The following RNF13 variants were observed in gnomAD, a reference collection of about 807,000 sequenced individuals.
RNF13 encodes E3 ubiquitin-protein ligase RNF13.
RNF13 carries 19 observed loss-of-function variants against 37.7 expected under a neutral mutation model. The ratio of observed to expected loss-of-function variants is 0.50; its 90% CI spans 0.35 to 0.74. The LOEUF (loss-of-function observed/expected upper bound fraction) is 0.74, where lower values mean the gene tolerates loss of function less well. RNF13 is among the 30% of genes least tolerant of loss of function. The probability of loss-of-function intolerance (pLI) is 0.01; values close to 1 mark genes in which losing one functional copy is unlikely to be tolerated. For synonymous variants in RNF13, 144 were observed against 157.8 expected (o/e 0.91, Z 0.65); for missense variants, 375 against 453.0 (o/e 0.83, Z 1.56).
chr3:149,906,645 C>CTTTTTT (rs35801459), intron 6 of RNF13, among the ~76,000 whole-genome samples: 1,313 of 78,450 alleles, frequency 0.017, no homozygotes, highest in East Asian at 0.023. Flanking sequence ...TTCAATTCTG[C>CTTTTTT]TTTTTTTTTT....
In RNF13 at chr3:149,821,350, A is replaced by C. The variant is rs181485299; in HGVS notation, c.-17+7997A>C. Among the ~76,000 whole-genome samples the C allele has an allele frequency of 2.5e-4, 38 of 152,262 alleles. No individual in the cohort carries two copies. In the East Asian group the frequency reaches 7.3e-3, roughly 29 times the overall value. ...TATTTTCTGTTTTTAAGAAATTATA[A>C]TTGCCATCCTTATGGGTATGAAGTG... On this transcript the variant is annotated intron_variant, in intron 1 of 9. Coordinates refer to ENST00000392894, the MANE Select transcript of RNF13 (RefSeq NM_183381.3).
At chr3:149,931,162 C>T (rs1719127179) in intron 8 of RNF13, among the ~76,000 whole-genome samples, 1 of 152,140 alleles carries the variant, frequency 6.6e-6, no homozygotes, top group African/African-American at 2.4e-5. Flanking sequence ...TTCCCAGGCT[C>T]AACCAACCCT....
At chr3:149,895,451 T>A (rs751565006) in intron 4 of RNF13, 22 bp from the exon 5 acceptor site, 1 of 1,370,524 alleles carries the variant, frequency 7.3e-7, no homozygotes, top group Non-Finnish European at 1.0e-6. Context: ...CATAATTTTT[T>A]TTTTTTTTTT....
intron 4 of RNF13, among the ~76,000 whole-genome samples, chr3:149,894,757 T>C (rs932688678): frequency 6.6e-6 from 1 of 152,172 alleles, no homozygotes; most frequent in African/African-American, 2.4e-5. Context: ...ATCTATCTGA[T>C]CCTTCATTTT....
intron 4 of RNF13, among the ~76,000 whole-genome samples, chr3:149,889,292 C>CGTGTGTGTGTGTGTGTGCGTGTGTGTGT: frequency 7.2e-6 from 1 of 138,224 alleles, no homozygotes; most frequent in Non-Finnish European, 1.5e-5. Flanking sequence ...TTTGAGTGTG[C>CGTGTGTGTGTGTGTGTGCGTGTGTGTGT]GTGTGTGTGT....
intron 8 of RNF13, among the ~76,000 whole-genome samples, chr3:149,922,357 G>A (rs1718225445): frequency 6.6e-6 from 1 of 152,152 alleles, no homozygotes. Context: ...TAGACTTTCA[G>A]TTAAGAATGA....
chr3:149,852,589 GT>G lies in RNF13; in HGVS notation c.191del (p.Leu64Ter). ...TTTGGTTATAGACTTCCAGCTGAAGGTTTAAAGGTAAGACAGTTGGTAATAC... is the reference window on the plus strand; with the variant it reads ...TTTGGTTATAGACTTCCAGCTGAAGGTTAAAGGTAAGACAGTTGGTAATAC... Reference protein sequence around the residue: ...ARFGYRLPAEGLKGFLINSKP... With the variant: ...ARFGYRLPAEXLKGFLINSKP... On this transcript the variant is annotated frameshift_variant, in exon 3 of 10. Transcript: ENST00000392894. LOFTEE classifies it high-confidence loss of function. 1 of 1,530,406 alleles carries G rather than the reference GT, an allele frequency of 6.5e-7. No individual in the cohort carries two copies. Among genetic ancestry groups the G allele is most frequent in the Non-Finnish European group, 8.9e-7 (1 of 1,120,606 alleles). The allele number at this position is 1,530,406 out of a possible 1,614,324, so 94.8% of individuals were successfully genotyped here.
chr3:149,929,070 T>C (rs1718927761), intron 8 of RNF13, among the ~76,000 whole-genome samples: 1 of 152,236 alleles, frequency 6.6e-6, no homozygotes, highest in African/African-American at 2.4e-5. Context: ...GTAGCTTTCT[T>C]GTGGATTCTT....
At chr3:149,835,814 C>T (rs1223141151) in intron 1 of RNF13, among the ~76,000 whole-genome samples, 1 of 151,576 alleles carries the variant, frequency 6.6e-6, no homozygotes, top group Non-Finnish European at 1.5e-5. Context: ...GACTTTTCTC[C>T]TGGGTTGGGA....
At chr3:149,938,338 C>T (rs144062988) in intron 8 of RNF13, among the ~76,000 whole-genome samples, 2,086 of 151,742 alleles carry the variant, frequency 0.014, 54 homozygotes, top group African/African-American at 0.046. Flanking sequence ...CCACCATGCC[C>T]GGCTAATTTT....
intron 8 of RNF13, among the ~76,000 whole-genome samples, chr3:149,933,972 C>T (rs149791571): frequency 4.6e-5 from 7 of 152,210 alleles, no homozygotes; most frequent in Non-Finnish European, 2.9e-5. Context: ...TTCTTCCTTT[C>T]CAGTTTGGTA....
chr3:149,864,340 G>A (rs1724580604), intron 3 of RNF13, among the ~76,000 whole-genome samples: 1 of 152,026 alleles, frequency 6.6e-6, no homozygotes, highest in Non-Finnish European at 1.5e-5. Flanking sequence ...ATGAGTGGAA[G>A]CAGGCCATCA....
intron 7 of RNF13, among the ~76,000 whole-genome samples, chr3:149,919,002 A>T (rs933920169): frequency 1.3e-5 from 2 of 151,978 alleles, no homozygotes; most frequent in African/African-American, 4.8e-5. Context: ...ATGTATTTGG[A>T]TTAATTTCTA....
At chr3:149,826,954 T>C (rs1006862940) in intron 1 of RNF13, among the ~76,000 whole-genome samples, 2 of 152,160 alleles carry the variant, frequency 1.3e-5, no homozygotes, top group African/African-American at 2.4e-5. Flanking sequence ...GACAGAGTTT[T>C]GCCATCTTGG....
At position 149,845,833 on chromosome 3, in the gene RNF13, C is replaced by A. The variant is rs1439818354; in HGVS notation, c.-16-178C>A. ...GGTATTGACTAAACATGGGTGTTTA[C>A]CTAAATGTCCAAATCTGTGTAAGTT... On this transcript the variant is annotated intron_variant, in intron 1 of 9. Transcript: ENST00000392894. The A allele has an allele frequency of 2.0e-5, 10 of 496,088 alleles. No homozygotes were observed. In the Admixed American group the frequency reaches 3.3e-4, roughly 16 times the overall value. The allele number at this position is 496,088 out of a possible 1,614,324, so 30.7% of individuals were successfully genotyped here. A position where few individuals can be genotyped will look rare whatever the true frequency, so the allele number is the denominator to read the frequency against.
chr3:149,841,934 C>T (rs977217673), intron 1 of RNF13, among the ~76,000 whole-genome samples: 1 of 152,124 alleles, frequency 6.6e-6, no homozygotes, highest in Non-Finnish European at 1.5e-5. Context: ...TCGGCCTGGG[C>T]AGATTCTTAA....
chr3:149,945,107 A>T (rs964579166), intron 8 of RNF13, among the ~76,000 whole-genome samples: 2 of 152,150 alleles, frequency 1.3e-5, no homozygotes, highest in African/African-American at 4.8e-5. Flanking sequence ...TTTGTCAAAG[A>T]TCAGATGGTT....
At chr3:149,910,688 A>G (rs955756672) in intron 6 of RNF13, among the ~76,000 whole-genome samples, 4 of 152,188 alleles carry the variant, frequency 2.6e-5, no homozygotes, top group African/African-American at 9.7e-5. Flanking sequence ...ACCTGGCTTC[A>G]CTACTTAAAA....
chr3:149,959,996 G>T, intron 8 of RNF13, 60 bp from the exon 9 acceptor site: 1 of 1,091,218 alleles, frequency 9.2e-7, no homozygotes, highest in Non-Finnish European at 1.4e-6. Flanking sequence ...AGTAACTGAG[G>T]ACTAACTTGA....
Sources: gnomAD v4.1 joint callset for allele counts (sites outside exome capture counted in the v4.1 genomes callset) on GRCh38, gnomAD v4.1.1 for gene constraint, MANE v1.5 for transcripts, NCBI Gene and HGNC (gene_info 2026-07-23, HGNC 2026-07-21) for gene names.